LIN28B: variants seen among roughly 807,000 people sequenced by gnomAD.
The protein encoded by LIN28B is lin-28 RNA binding posttranscriptional regulator B, also known as protein lin-28 homolog B.
A neutral mutation model predicts 21.9 loss-of-function variants in LIN28B; 5 were observed. The ratio of observed to expected loss-of-function variants is 0.23; its 90% CI spans 0.12 to 0.48. The LOEUF (loss-of-function observed/expected upper bound fraction) is 0.48, where lower values mean the gene tolerates loss of function less well. Among genes scored for constraint, LIN28B ranks in the 20% least tolerant of loss-of-function variants. LIN28B has a pLI of 0.98. For missense variants in LIN28B, 245 were observed against 310.5 expected, an observed-to-expected ratio of 0.79 and a Z score of 1.58; for synonymous variants, 109 against 111.3, an observed-to-expected ratio of 0.98 and a Z score of 0.13.
chr6:104,974,834 T>A lies in LIN28B; in HGVS notation c.198+16548T>A, dbSNP rs184974684. On this transcript the variant is annotated intron_variant, in intron 2 of 3. Transcript: ENST00000345080. ...AATTATTATTATTATTATTATTATT[T>A]TTTGAGATGGAGTCTCACTCTGTTG... Among the ~76,000 whole-genome samples, 31 of 150,846 alleles carry A rather than the reference T, an allele frequency of 2.1e-4. No individual in the cohort carries two copies. The East Asian group carries it at 2.7e-3, about 13-fold the overall frequency.
At chr6:104,972,954 T>C (rs1338292832) in intron 2 of LIN28B, among the ~76,000 whole-genome samples, 1 of 151,968 alleles carries the variant, frequency 6.6e-6, no homozygotes, top group Non-Finnish European at 1.5e-5. Context: ...CTACTAAAAA[T>C]ATAAAAATTA....
chr6:104,975,280 A>G (rs564761659), intron 2 of LIN28B, among the ~76,000 whole-genome samples: 1 of 152,324 alleles, frequency 6.6e-6, no homozygotes, highest in Admixed American at 6.5e-5. Context: ...ATATTTAATA[A>G]TATCTAAAAA....
intron 2 of LIN28B, among the ~76,000 whole-genome samples, chr6:105,002,532 T>C (rs973207277): frequency 1.3e-5 from 2 of 152,286 alleles, no homozygotes; most frequent in East Asian, 3.9e-4. Context: ...AATAAAATAT[T>C]TGACTCCACA....
rs6930209 is a variant in LIN28B at position 105,064,206 on chromosome 6, A to G, written c.384-14208A>G. 7.6e-3 allele frequency among the ~76,000 whole-genome samples: 1,164 copies of G among 152,366 alleles called. 16 individuals are homozygous for G. Among genetic ancestry groups the G allele is most frequent in the African/African-American group, 0.027 (1,109 of 41,582 alleles). On this transcript the variant is annotated intron_variant, in intron 3 of 3. Coordinates refer to ENST00000345080, the MANE Select transcript of LIN28B (RefSeq NM_001004317.4). ...TGATTTTTATGCAAATATCAGATGAATAAGTGTTAAAGAATTTATTGAACA... is the reference window on the plus strand; with the variant it reads ...TGATTTTTATGCAAATATCAGATGAGTAAGTGTTAAAGAATTTATTGAACA...
At chr6:105,001,243 G>A (rs1436034393) in intron 2 of LIN28B, among the ~76,000 whole-genome samples, 1 of 152,174 alleles carries the variant, frequency 6.6e-6, no homozygotes, top group Non-Finnish European at 1.5e-5. Flanking sequence ...ACAATTATGT[G>A]GGGTATGAAC....
intron 3 of LIN28B, among the ~76,000 whole-genome samples, chr6:105,037,505 G>A (rs1415017716): frequency 0.022 from 228 of 10,348 alleles, no homozygotes; most frequent in Non-Finnish European, 0.03. Flanking sequence ...CCTCCTCCCC[G>A]CTCCCTTCCC....
intron 2 of LIN28B, among the ~76,000 whole-genome samples, chr6:105,010,192 CA>C (rs199967689): frequency 4.2e-4 from 58 of 139,614 alleles, no homozygotes; most frequent in Middle Eastern, 7.7e-3. Flanking sequence ...CCCGTGTCTA[CA>C]AAAAAAAAAA....
intron 2 of LIN28B, among the ~76,000 whole-genome samples, chr6:104,994,995 C>A (rs974442855): frequency 3.3e-5 from 5 of 152,150 alleles, no homozygotes; most frequent in African/African-American, 1.2e-4. Context: ...TTTTGAGCAC[C>A]AACTTACTGT....
At chr6:104,995,309 G>GA (rs1770575676) in intron 2 of LIN28B, among the ~76,000 whole-genome samples, 1 of 152,154 alleles carries the variant, frequency 6.6e-6, no homozygotes, top group Non-Finnish European at 1.5e-5. Flanking sequence ...ATTGGTTGTA[G>GA]AGGGTGAGAG....
At chr6:105,002,286 G>A (rs1770735536) in intron 2 of LIN28B, among the ~76,000 whole-genome samples, 1 of 151,448 alleles carries the variant, frequency 6.6e-6, no homozygotes, top group South Asian at 2.1e-4. Flanking sequence ...TACATAGATT[G>A]GAAGATGAAG....
At chr6:105,047,681 T>A (rs1432254448) in intron 3 of LIN28B, among the ~76,000 whole-genome samples, 1 of 152,218 alleles carries the variant, frequency 6.6e-6, no homozygotes, top group Admixed American at 6.5e-5. Flanking sequence ...GTTTGTGTCC[T>A]CTTTTATTTC....
At chr6:105,062,295 G>A (rs1772136767) in intron 3 of LIN28B, among the ~76,000 whole-genome samples, 1 of 151,972 alleles carries the variant, frequency 6.6e-6, no homozygotes, top group South Asian at 2.1e-4. Flanking sequence ...AATTGTGATT[G>A]TGTCATTGTT....
intron 3 of LIN28B, among the ~76,000 whole-genome samples, chr6:105,026,890 C>T (rs1319683155): frequency 6.6e-6 from 1 of 151,994 alleles, no homozygotes; most frequent in Non-Finnish European, 1.5e-5. Context: ...ATATAAAAAC[C>T]GTAAAGAGGA....
intron 2 of LIN28B, among the ~76,000 whole-genome samples, chr6:105,005,015 C>G (rs1389819677): frequency 6.6e-6 from 1 of 152,150 alleles, no homozygotes; most frequent in Non-Finnish European, 1.5e-5. Context: ...TTTGATTGAA[C>G]ATATCTTTAA....
intron 2 of LIN28B, among the ~76,000 whole-genome samples, chr6:105,002,164 G>GTGT (rs1770732608): frequency 6.9e-6 from 1 of 145,288 alleles, no homozygotes; most frequent in Non-Finnish European, 1.5e-5. Flanking sequence ...AGATTCTCTG[G>GTGT]TATTTTTTTT....
chr6:105,048,921 G>A (rs931886396), intron 3 of LIN28B, among the ~76,000 whole-genome samples: 1 of 151,882 alleles, frequency 6.6e-6, no homozygotes, highest in Non-Finnish European at 1.5e-5. Flanking sequence ...TTCTTTATTA[G>A]TCTTGCTTGC....
intron 3 of LIN28B, among the ~76,000 whole-genome samples, chr6:105,032,240 C>G (rs1332297170): frequency 1.3e-5 from 2 of 152,010 alleles, no homozygotes; most frequent in African/African-American, 4.8e-5. Flanking sequence ...CATTTATGCA[C>G]AAGTGTGTGA....
intron 2 of LIN28B, among the ~76,000 whole-genome samples, chr6:105,025,706 C>G (rs1053834403): frequency 6.6e-6 from 1 of 152,044 alleles, no homozygotes; most frequent in Non-Finnish European, 1.5e-5. Flanking sequence ...CCCAGAAGTT[C>G]AAGACCAGCT....
chr6:105,028,275 G>A (rs1771327870), intron 3 of LIN28B, among the ~76,000 whole-genome samples: 1 of 152,102 alleles, frequency 6.6e-6, no homozygotes, highest in Non-Finnish European at 1.5e-5. Context: ...CCATTTTAAG[G>A]ACTTTGATTC....
Sources: allele counts gnomAD v4.1 joint callset (sites outside exome capture counted in the v4.1 genomes callset), GRCh38; gene constraint gnomAD v4.1.1; transcripts MANE v1.5; gene names NCBI Gene and HGNC (gene_info 2026-07-23, HGNC 2026-07-21).